Variants in NMT2 observed in about 807,000 individuals in gnomAD.
NMT2 encodes glycylpeptide N-tetradecanoyltransferase 2.
Under a neutral mutation model 65.4 loss-of-function variants are expected in NMT2, and 35 were observed. The observed-to-expected ratio is 0.54, with a 90% CI of 0.41 to 0.71. NMT2 has a LOEUF of 0.71. NMT2 is among the 30% of genes least tolerant of loss of function. NMT2 has a pLI of 0.00. For missense variants in NMT2, 489 were observed against 611.3 expected, an observed-to-expected ratio of 0.80 and a Z score of 2.11; for synonymous variants, 226 against 231.8, an observed-to-expected ratio of 0.98 and a Z score of 0.23.
At chr10:15,112,764 C>T (rs896564003) in intron 10 of NMT2, 32 bp downstream of exon 10, 2 of 1,577,600 alleles carry the variant, frequency 1.3e-6, no homozygotes, top group African/African-American at 1.4e-5. Flanking sequence ...ATTTGGAGAA[C>T]CAAACGGCGT....
At chr10:15,127,118 C>A (rs1390200186) in intron 8 of NMT2, among the ~76,000 whole-genome samples, 1 of 151,876 alleles carries the variant, frequency 6.6e-6, no homozygotes, top group East Asian at 1.9e-4. Context: ...ACCTGTAATT[C>A]CAGCTATTTG....
At chr10:15,162,292 A>T (rs1833227059) in intron 1 of NMT2, among the ~76,000 whole-genome samples, 2 of 151,822 alleles carry the variant, frequency 1.3e-5, no homozygotes, top group African/African-American at 4.8e-5. Context: ...TAATCCACAG[A>T]AGAAAAAAAG....
At chr10:15,140,245 C>A (rs1022427756) in intron 2 of NMT2, among the ~76,000 whole-genome samples, 1 of 152,108 alleles carries the variant, frequency 6.6e-6, no homozygotes, top group Admixed American at 6.5e-5. Context: ...ACCTCAGCCT[C>A]CCAAGTAGCT....
chr10:15,106,155 G>A lies in NMT2; in HGVS notation c.*3040C>T, dbSNP rs910806633. On this transcript the variant is annotated 3_prime_UTR_variant, in exon 12 of 12. Transcript: ENST00000378165. ...ATTACAGGTGCACACCCCCATGTCC[G>A]GCTAGTTTTTGTAATTTTAGTAGAG... is the stretch of plus-strand genomic sequence containing the variant. 6.2e-5 allele frequency: 15 copies of A among 241,458 alleles called. No individual in the cohort carries two copies. Among genetic ancestry groups the A allele is most frequent in the African/African-American group, 2.6e-4 (11 of 41,952 alleles). The allele number at this position is 241,458 out of a possible 1,614,324, so 15.0% of individuals were successfully genotyped here.
rs1365630293 is a variant in NMT2 at position 15,109,604 on chromosome 10, AAAAAT to A, written c.1476+93_1476+97del. 3.4e-5 allele frequency: 32 copies of A among 949,266 alleles called. No individual in the cohort carries two copies. The South Asian group carries it at 5.9e-4, about 17-fold the overall frequency. 58.8% of individuals were successfully genotyped at this position (949,266 alleles called of 1,614,324 possible). A position where few individuals can be genotyped will look rare whatever the true frequency, so the allele number is the denominator to read the frequency against. On this transcript the variant is annotated intron_variant, in intron 11 of 11. Coordinates refer to ENST00000378165, the MANE Select transcript of NMT2 (RefSeq NM_004808.3). ...AAATAAATAAATAAATAAAATGAAC[AAAAAT>A]AAAATAAAGCTGTCTTAAGTCTAAG... is the stretch of plus-strand genomic sequence containing the variant.
At chr10:15,155,459 TC>T (rs1027212740) in intron 1 of NMT2, 2 of 477,402 alleles carry the variant, frequency 4.2e-6, no homozygotes, top group African/African-American at 2.0e-5. Flanking sequence ...GCCTTGAACT[TC>T]CGGGCTCAAG....
intron 2 of NMT2, chr10:15,141,066 C>T (rs1846738376): frequency 2.0e-6 from 3 of 1,525,762 alleles, no homozygotes; most frequent in African/African-American, 1.4e-5. Context: ...AGAAAAATTA[C>T]AATGTGAATA....
chr10:15,109,014 G>T lies in NMT2; in HGVS notation c.*181C>A, dbSNP rs1845413156. On this transcript the variant is annotated 3_prime_UTR_variant, in exon 12 of 12. Transcript: ENST00000378165. ...AGGTCAACAGTAAAAAAAGGATGAA[G>T]TTTAACATTCTAGCTAGAAACGTAC... 1 of 1,398,448 alleles carries T rather than the reference G, an allele frequency of 7.2e-7. No individual in the cohort carries two copies. The allele number at this position is 1,398,448 out of a possible 1,614,324, so 86.6% of individuals were successfully genotyped here.
intron 2 of NMT2, among the ~76,000 whole-genome samples, chr10:15,140,352 G>T (rs1846702259): frequency 6.6e-6 from 1 of 152,050 alleles, no homozygotes; most frequent in South Asian, 2.1e-4. Context: ...TTGAACTCCT[G>T]GGCTCAAGGG....
chr10:15,119,241 T>C (rs1845843954), intron 9 of NMT2, 102 bp downstream of exon 9: 2 of 997,792 alleles, frequency 2.0e-6, no homozygotes, highest in East Asian at 2.4e-5. Flanking sequence ...TTTGTAATGT[T>C]CTGTGATGAA....
At chr10:15,139,506 G>A (rs1213193574) in intron 2 of NMT2, among the ~76,000 whole-genome samples, 1 of 152,204 alleles carries the variant, frequency 6.6e-6, no homozygotes, top group East Asian at 1.9e-4. Flanking sequence ...CACGCTGCAG[G>A]TCAGGGATGC....
At chr10:15,113,015 G>A (rs775917434) in intron 9 of NMT2, 52 bp from the exon 10 acceptor site, 27 of 1,528,160 alleles carry the variant, frequency 1.8e-5, no homozygotes, top group South Asian at 2.2e-5. Context: ...AACTGCATAC[G>A]TGCATTTCCA....
At chr10:15,127,313 C>T (rs1273101162) in intron 8 of NMT2, among the ~76,000 whole-genome samples, 4 of 150,720 alleles carry the variant, frequency 2.7e-5, no homozygotes, top group Non-Finnish European at 5.9e-5. Context: ...TATGGGAGGC[C>T]GAGGCAGGCG....
intron 8 of NMT2, among the ~76,000 whole-genome samples, chr10:15,122,868 T>C (rs1307513765): frequency 6.6e-6 from 1 of 152,054 alleles, no homozygotes; most frequent in African/African-American, 2.4e-5. Context: ...CTGGAAGACT[T>C]CACAGTATAC....
intron 2 of NMT2, among the ~76,000 whole-genome samples, chr10:15,137,687 A>G (rs549756719): frequency 2.6e-5 from 4 of 152,348 alleles, no homozygotes; most frequent in African/African-American, 9.6e-5. Context: ...TACAATGACT[A>G]TAATGAATTT....
At chr10:15,164,170 G>A (rs974965695) in intron 1 of NMT2, among the ~76,000 whole-genome samples, 3 of 125,648 alleles carry the variant, frequency 2.4e-5, no homozygotes, top group East Asian at 2.3e-4. Flanking sequence ...GGGACAGAGC[G>A]AGAATTGGTC....
intron 6 of NMT2, 28 bp from the exon 7 acceptor site, chr10:15,130,340 G>C (rs1179443410): frequency 1.4e-6 from 2 of 1,459,724 alleles, no homozygotes; most frequent in South Asian, 2.8e-5. Context: ...TGAAGATTAA[G>C]AGTCAAAACG....
chr10:15,125,770 G>C (rs1025373924), intron 8 of NMT2, among the ~76,000 whole-genome samples: 2 of 152,034 alleles, frequency 1.3e-5, no homozygotes, highest in Non-Finnish European at 2.9e-5. Context: ...AGGTTCAAGC[G>C]ATTCTCCTGC....
chr10:15,110,752 T>C (rs1362510863), intron 10 of NMT2, among the ~76,000 whole-genome samples: 4 of 152,330 alleles, frequency 2.6e-5, no homozygotes, highest in East Asian at 3.9e-4. Flanking sequence ...AAATTACTTA[T>C]GAAGATTTCA....
Sources: gnomAD v4.1 joint callset for allele counts (sites outside exome capture counted in the v4.1 genomes callset) on GRCh38, gnomAD v4.1.1 for gene constraint, MANE v1.5 for transcripts, NCBI Gene and HGNC (gene_info 2026-07-23, HGNC 2026-07-21) for gene names.